NFATC3: variants seen among roughly 807,000 people sequenced by gnomAD.
The protein encoded by NFATC3 is nuclear factor of activated T cells 3, also known as nuclear factor of activated T-cells, cytoplasmic 3.
Under a neutral mutation model 98.6 loss-of-function variants are expected in NFATC3, and 46 were observed. The ratio of observed to expected loss-of-function variants is 0.47; its 90% CI spans 0.37 to 0.60. The LOEUF is 0.60. Ranked by LOEUF, NFATC3 falls within the 20% of genes least tolerant of loss-of-function variation. The pLI is 0.00. For synonymous variants in NFATC3, 512 were observed against 472.2 expected, an observed-to-expected ratio of 1.08 and a Z score of -1.09; for missense variants, 1,256 against 1,295.5, an observed-to-expected ratio of 0.97 and a Z score of 0.47.
intron 9 of NFATC3, among the ~76,000 whole-genome samples, chr16:68,201,171 A>G (rs2040895026): frequency 6.6e-6 from 1 of 152,124 alleles, no homozygotes; most frequent in African/African-American, 2.4e-5. Context: ...ACCTCAAGCG[A>G]TCTGCCTGCC....
intron 1 of NFATC3, among the ~76,000 whole-genome samples, chr16:68,087,041 C>T (rs921478318): frequency 6.6e-6 from 1 of 152,140 alleles, no homozygotes; most frequent in African/African-American, 2.4e-5. Flanking sequence ...AATAACTGTA[C>T]TACTAGGAAG....
At chr16:68,195,526 A>G (rs1323103810) in intron 9 of NFATC3, among the ~76,000 whole-genome samples, 4 of 151,808 alleles carry the variant, frequency 2.6e-5, no homozygotes, top group Non-Finnish European at 5.9e-5. Context: ...AAAAATGGAC[A>G]GGCTGGGCGC....
chr16:68,164,853 C>T (rs1298834485), intron 4 of NFATC3, among the ~76,000 whole-genome samples: 1 of 152,130 alleles, frequency 6.6e-6, no homozygotes, highest in African/African-American at 2.4e-5. Context: ...GCACTCCACC[C>T]TGGTGACAGA....
At chr16:68,131,162 T>A (rs757171041) in intron 3 of NFATC3, among the ~76,000 whole-genome samples, 1 of 152,210 alleles carries the variant, frequency 6.6e-6, no homozygotes, top group African/African-American at 2.4e-5. Flanking sequence ...ATTTTAAGAT[T>A]GTTTTTTCTA....
intron 1 of NFATC3, among the ~76,000 whole-genome samples, chr16:68,090,088 A>C (rs991681985): frequency 1.3e-5 from 2 of 152,130 alleles, no homozygotes; most frequent in African/African-American, 4.8e-5. Flanking sequence ...TTTAATCTAC[A>C]ATGTTTTTAC....
chr16:68,186,565 A>T (rs1412750062), intron 8 of NFATC3, among the ~76,000 whole-genome samples: 1 of 152,068 alleles, frequency 6.6e-6, no homozygotes, highest in Non-Finnish European at 1.5e-5. Context: ...ACAAAACAAC[A>T]ACAAAAAAAA....
intron 9 of NFATC3, among the ~76,000 whole-genome samples, chr16:68,210,462 C>A (rs1186665777): frequency 1.3e-5 from 2 of 152,022 alleles, no homozygotes; most frequent in African/African-American, 4.8e-5. Flanking sequence ...CAGAGTGACA[C>A]CTTGTCTCAA....
At chr16:68,117,438 A>G (rs1349393777) in intron 1 of NFATC3, among the ~76,000 whole-genome samples, 1 of 152,046 alleles carries the variant, frequency 6.6e-6, no homozygotes, top group Non-Finnish European at 1.5e-5. Flanking sequence ...CTCCCTGAGC[A>G]CCCCTAGCTC....
Position 68,112,398 on chromosome 16 carries a change from C to T in NFATC3, c.104-9589C>T, listed in dbSNP as rs564932589. 6.6e-5 allele frequency among the ~76,000 whole-genome samples: 10 copies of T among 150,420 alleles called. No individual in the cohort carries two copies. The South Asian group carries it at 8.4e-4, about 13-fold the overall frequency. ...GTTCAAGCGATCCTTCTGCCTCAGC[C>T]GCCCGAGTAGCTGGGACTACAGGCA... On this transcript the variant is annotated intron_variant, in intron 1 of 9. Coordinates refer to ENST00000346183, the MANE Select transcript of NFATC3 (RefSeq NM_173165.3).
intron 3 of NFATC3, among the ~76,000 whole-genome samples, chr16:68,152,132 G>A (rs1454540689): frequency 2.0e-5 from 3 of 150,826 alleles, no homozygotes; most frequent in Middle Eastern, 3.4e-3. Flanking sequence ...AGAGGCCAAG[G>A]TGGACGGATC....
In NFATC3 at chr16:68,085,432, TGGCTAAGCCGACA is replaced by T; in HGVS notation, c.-248_-236del. 1 of 326,558 alleles carries T rather than the reference TGGCTAAGCCGACA, an allele frequency of 3.1e-6. No individual in the cohort carries two copies. Among genetic ancestry groups the T allele is most frequent in the East Asian group, 5.2e-5 (1 of 19,130 alleles). The allele number at this position is 326,558 out of a possible 1,614,324, so 20.2% of individuals were successfully genotyped here. The stretch of plus-strand genomic sequence containing the variant: ...ACTGTGGGGGGGCGGCGGGGAACAT[TGGCTAAGCCGACA>T]GTGGAGGCTTAGGCACCGGTGGCGG... On this transcript the variant is annotated 5_prime_UTR_variant, in exon 1 of 10. Transcript: ENST00000346183.
chr16:68,185,282 G>C (rs535589889), intron 8 of NFATC3, among the ~76,000 whole-genome samples: 16 of 152,170 alleles, frequency 1.1e-4, no homozygotes, highest in African/African-American at 3.9e-4. Flanking sequence ...TGGCCCAGGG[G>C]TTTAATTTTC....
intron 3 of NFATC3, among the ~76,000 whole-genome samples, chr16:68,142,241 A>C (rs184031459): frequency 2.0e-5 from 3 of 151,998 alleles, no homozygotes; most frequent in African/African-American, 4.8e-5. Context: ...TGTGTCATCT[A>C]TGATTTTTTT....
At chr16:68,213,657 C>T (rs1240946901) in intron 9 of NFATC3, among the ~76,000 whole-genome samples, 4 of 151,848 alleles carry the variant, frequency 2.6e-5, no homozygotes, top group Admixed American at 6.6e-5. Context: ...GTTGAAACCC[C>T]ATCTCTACTA....
At chr16:68,222,987 G>A (rs960830298) in intron 9 of NFATC3, among the ~76,000 whole-genome samples, 2 of 152,152 alleles carry the variant, frequency 1.3e-5, no homozygotes, top group East Asian at 1.9e-4. Flanking sequence ...GCTGCCTTGC[G>A]TTCTTATGCC....
intron 1 of NFATC3, among the ~76,000 whole-genome samples, chr16:68,114,488 C>G (rs781187552): frequency 4.0e-5 from 6 of 151,892 alleles, no homozygotes; most frequent in Admixed American, 1.3e-4. Context: ...TGTTTAGTCA[C>G]TTTAAACTCT....
chr16:68,114,648 C>T (rs2036174016), intron 1 of NFATC3, among the ~76,000 whole-genome samples: 1 of 149,528 alleles, frequency 6.7e-6, no homozygotes, highest in Admixed American at 6.7e-5. Context: ...AATCTTGGCT[C>T]ACTGCAACCT....
chr16:68,126,980 C>T (rs1338887243), intron 3 of NFATC3, among the ~76,000 whole-genome samples: 1 of 151,940 alleles, frequency 6.6e-6, no homozygotes, highest in African/African-American at 2.4e-5. Context: ...TTGGGGAGGC[C>T]GAGGCAGGTG....
intron 3 of NFATC3, among the ~76,000 whole-genome samples, chr16:68,139,045 C>T (rs1473462359): frequency 6.6e-6 from 1 of 152,096 alleles, no homozygotes; most frequent in African/African-American, 2.4e-5. Flanking sequence ...ATTGTAGGTG[C>T]TAGGGATGCA....
Sources: gnomAD v4.1 joint callset for allele counts (sites outside exome capture counted in the v4.1 genomes callset) on GRCh38, gnomAD v4.1.1 for gene constraint, MANE v1.5 for transcripts, NCBI Gene and HGNC (gene_info 2026-07-23, HGNC 2026-07-21) for gene names.